The following ZMYM2 variants were observed in gnomAD, a reference collection of about 807,000 sequenced individuals.
The protein encoded by ZMYM2 is zinc finger MYM-type containing 2.
ZMYM2 carries 56 observed loss-of-function variants against 162.8 expected under a neutral mutation model. The observed-to-expected ratio is 0.34, with a 90% confidence interval of 0.28 to 0.43. The LOEUF is 0.43. Among genes scored for constraint, ZMYM2 ranks in the 20% least tolerant of loss-of-function variants. ZMYM2 has a pLI of 1.00. For synonymous variants in ZMYM2, 510 were observed against 541.6 expected, an observed-to-expected ratio of 0.94 and a Z score of 0.81; for missense variants, 1,275 against 1,621.8, an observed-to-expected ratio of 0.79 and a Z score of 3.67.
the ZMYM2 span, among the ~76,000 whole-genome samples, chr13:19,886,241 C>T: frequency 2.2e-5 from 3 of 133,564 alleles, no homozygotes; most frequent in South Asian, 2.4e-4. Context: ...CTCGGCTCAT[C>T]GCAACTTCCG....
At chr13:20,021,393 C>A (rs1012920401) in intron 7 of ZMYM2, among the ~76,000 whole-genome samples, 2 of 144,564 alleles carry the variant, frequency 1.4e-5, no homozygotes, top group African/African-American at 5.2e-5. Context: ...TGACAAAATG[C>A]CTGTCATTTT....
At chr13:19,892,931 T>A in the ZMYM2 span, among the ~76,000 whole-genome samples, 2 of 151,360 alleles carry the variant, frequency 1.3e-5, no homozygotes, top group African/African-American at 4.9e-5. Flanking sequence ...GCCAGGCTGG[T>A]CTTGAACTCA....
chr13:20,059,352 T>A, intron 15 of ZMYM2, 95 bp from the exon 16 acceptor site: 6 of 1,321,452 alleles, frequency 4.5e-6, no homozygotes, highest in South Asian at 2.8e-5. Flanking sequence ...GGTACTGAGG[T>A]AGTTAAATTT....
chr13:20,019,390 G>C (rs1951887024), intron 6 of ZMYM2, among the ~76,000 whole-genome samples, 157 bp from the exon 7 acceptor site: 1 of 152,174 alleles, frequency 6.6e-6, no homozygotes, highest in African/African-American at 2.4e-5. Context: ...GGCAACAGTA[G>C]TGGGGACAGG....
In ZMYM2 at chr13:19,984,759, A is replaced by G. The variant is rs1028508704; in HGVS notation, c.-10-8304A>G. Among the ~76,000 whole-genome samples the G allele has an allele frequency of 3.3e-4, 50 of 152,334 alleles. 1 individual carries two copies. The highest frequency in any genetic ancestry group is 4.9e-4 in the Non-Finnish European group (33 of 68,028). ...ATATTATTTACAGTCTATGATTTTA[A>G]GATAGCTGTCATAGTTGAATGGTTA... On this transcript the variant is annotated intron_variant, in intron 2 of 24. Coordinates refer to ENST00000610343, the MANE Select transcript of ZMYM2 (RefSeq NM_197968.4).
chr13:20,046,593 GTGTGTGTGTGTGTGTATATATA>G (rs1226356988), intron 12 of ZMYM2, among the ~76,000 whole-genome samples: 3 of 25,156 alleles, frequency 1.2e-4, no homozygotes, highest in Non-Finnish European at 5.0e-4. Flanking sequence ...GTGTGTGTGT[GTGTGTGTGTGTGTGTATATATA>G]TGTGTATATA....
the ZMYM2 span, among the ~76,000 whole-genome samples, chr13:19,891,456 T>G: frequency 3.0e-5 from 4 of 132,436 alleles, no homozygotes; most frequent in Non-Finnish European, 6.6e-5. Context: ...CGTGTGACAG[T>G]TTTTTTTTTT....
intron 2 of ZMYM2, among the ~76,000 whole-genome samples, chr13:19,968,839 C>A (rs371074985): frequency 9.2e-5 from 14 of 152,170 alleles, no homozygotes; most frequent in African/African-American, 3.4e-4. Flanking sequence ...AAGAAAAAAT[C>A]AAGTAGGAAG....
intron 2 of ZMYM2, among the ~76,000 whole-genome samples, chr13:19,968,987 T>A (rs1051401953): frequency 1.1e-4 from 17 of 152,224 alleles, no homozygotes; most frequent in African/African-American, 3.9e-4. Context: ...AGGACACTTC[T>A]TAAAGAATAT....
At chr13:19,922,959 T>C in the ZMYM2 span, among the ~76,000 whole-genome samples, 4 of 149,190 alleles carry the variant, frequency 2.7e-5, no homozygotes, top group Admixed American at 2.0e-4. Context: ...GAGGTGGAGG[T>C]TGCAGTGAGC....
chr13:19,955,675 G>A (rs1185041253), upstream of ZMYM2, among the ~76,000 whole-genome samples: 1 of 152,102 alleles, frequency 6.6e-6, no homozygotes. Flanking sequence ...AGGCTGGAGT[G>A]CAGTGGTGCG....
intron 10 of ZMYM2, among the ~76,000 whole-genome samples, chr13:20,031,865 G>GTTTTTTTTTTT (rs10642086): frequency 4.9e-4 from 64 of 130,194 alleles, no homozygotes; most frequent in Non-Finnish European, 6.0e-4. Flanking sequence ...TTCTGTAATT[G>GTTTTTTTTTTT]TTTTTTTTTT....
intron 6 of ZMYM2, among the ~76,000 whole-genome samples, chr13:20,018,970 C>CT (rs1032098200): frequency 4.0e-5 from 6 of 151,404 alleles, no homozygotes; most frequent in Admixed American, 1.3e-4. Flanking sequence ...ATCCCAGCTA[C>CT]TCAGGAGGTT....
At chr13:19,866,250 A>C in the ZMYM2 span, among the ~76,000 whole-genome samples, 2 of 88,588 alleles carry the variant, frequency 2.3e-5, no homozygotes, top group African/African-American at 5.2e-5. Context: ...AACAAGCAAA[A>C]AAAGAATTAA....
chr13:20,008,569 G>A (rs1288290005), intron 6 of ZMYM2, among the ~76,000 whole-genome samples: 1 of 152,196 alleles, frequency 6.6e-6, no homozygotes, highest in Non-Finnish European at 1.5e-5. Flanking sequence ...GATAAGAGGT[G>A]GCACTGCCAT....
chr13:20,001,216 AC>A (rs1372847302), intron 3 of ZMYM2, among the ~76,000 whole-genome samples: 1 of 151,938 alleles, frequency 6.6e-6, no homozygotes, highest in Non-Finnish European at 1.5e-5. Flanking sequence ...ACATGGTGAA[AC>A]CCTGTCTTTA....
the ZMYM2 span, among the ~76,000 whole-genome samples, chr13:19,872,905 A>G: frequency 1.3e-5 from 2 of 152,098 alleles, no homozygotes; most frequent in South Asian, 2.1e-4. Flanking sequence ...AGGCTGAGGC[A>G]TAAGAATCAC....
intron 6 of ZMYM2, among the ~76,000 whole-genome samples, chr13:20,009,548 A>G (rs979484090): frequency 9.2e-5 from 14 of 152,250 alleles, no homozygotes; most frequent in African/African-American, 2.7e-4. Context: ...AAAAACTGAC[A>G]TTAGCCAATA....
In ZMYM2 at chr13:20,027,184, T is replaced by C. The variant is rs746056919; in HGVS notation, c.1736-19T>C. On this transcript the variant is annotated intron_variant, in intron 8 of 24. Transcript: ENST00000610343. ...TATTACTTTATAAACAAATCAGATA[T>C]GTACCTTTTCTTTCCTAGGTTTGGG... 15 of 1,528,346 alleles carry C rather than the reference T, an allele frequency of 9.8e-6. No individual in the cohort carries two copies. Among genetic ancestry groups the C allele is most frequent in the Non-Finnish European group, 1.3e-5 (15 of 1,131,558 alleles). 94.7% of individuals were successfully genotyped at this position (1,528,346 alleles called of 1,614,324 possible). A position where few individuals can be genotyped will look rare whatever the true frequency, so the allele number is the denominator to read the frequency against.
Sources: allele counts gnomAD v4.1 joint callset (sites outside exome capture counted in the v4.1 genomes callset), GRCh38; gene constraint gnomAD v4.1.1; transcripts MANE v1.5; gene names NCBI Gene and HGNC (gene_info 2026-07-23, HGNC 2026-07-21).